Variants in SMARCA4 observed in about 807,000 individuals in gnomAD.
The protein encoded by SMARCA4 is SWI/SNF related BAF chromatin remodeling complex subunit ATPase 4, also known as SWI/SNF-related matrix-associated actin-dependent regulator of chromatin subfamily A member 4.
A neutral mutation model predicts 193.9 loss-of-function variants in SMARCA4; 31 were observed. That is an observed-to-expected ratio of 0.16 (90% CI 0.12 to 0.22). The LOEUF is 0.22. Ranked by LOEUF, SMARCA4 falls within the 10% of genes least tolerant of loss-of-function variation. The pLI, the probability that SMARCA4 is intolerant of heterozygous loss-of-function variation, is 1.00. For synonymous variants in SMARCA4, 942 were observed against 933.1 expected (o/e 1.01, Z -0.17); for missense variants, 1,148 against 2,296.0 (o/e 0.50, Z 10.22).
intron 30 of SMARCA4, among the ~76,000 whole-genome samples, chr19:11,043,636 G>A (rs2075741078): frequency 6.6e-6 from 1 of 151,760 alleles, no homozygotes; most frequent in Admixed American, 6.6e-5. Flanking sequence ...CCTGGGTGAT[G>A]GAATGAGACC....
At chr19:11,028,008 A>T in intron 24 of SMARCA4, 58 bp downstream of exon 24, 1 of 1,573,300 alleles carries the variant, frequency 6.4e-7, no homozygotes, top group Non-Finnish European at 8.7e-7. Context: ...GCTGCCACAG[A>T]AGCTCCTCAC....
At position 11,061,887 on chromosome 19, in the gene SMARCA4, C is replaced by T. The variant is rs932265086; in HGVS notation, c.*71C>T. 31 of 1,347,006 alleles carry T rather than the reference C, an allele frequency of 2.3e-5. No homozygotes were observed. Among genetic ancestry groups the T allele is most frequent in the South Asian group, 9.3e-5 (8 of 85,838 alleles). The allele number at this position is 1,347,006 out of a possible 1,614,324, so 83.4% of individuals were successfully genotyped here. On this transcript the variant is annotated 3_prime_UTR_variant, in exon 35 of 35. Transcript: ENST00000344626. ...GAGATGGCATAGGCCTTAGCAGTAACGGGTAGCAGCAGATGTAGTTTCAGA... is the reference window on the plus strand; with the variant it reads ...GAGATGGCATAGGCCTTAGCAGTAATGGGTAGCAGCAGATGTAGTTTCAGA...
At chr19:11,055,219 T>C (rs1433098210) in intron 30 of SMARCA4, among the ~76,000 whole-genome samples, 2 of 152,172 alleles carry the variant, frequency 1.3e-5, no homozygotes, top group Non-Finnish European at 2.9e-5. Context: ...AGACAGAGTC[T>C]CACTCTGTCG....
At chr19:10,965,862 A>G (rs762989524) in intron 1 of SMARCA4, among the ~76,000 whole-genome samples, 2 of 149,832 alleles carry the variant, frequency 1.3e-5, no homozygotes, top group Non-Finnish European at 3.0e-5. Context: ...TTATGGGACT[A>G]TTGTATATTT....
At chr19:10,989,517 G>A (rs1368199377) in intron 7 of SMARCA4, 74 bp downstream of exon 7, 15 of 1,557,182 alleles carry the variant, frequency 9.6e-6, no homozygotes, top group Non-Finnish European at 1.3e-5. Flanking sequence ...CTCCAAATAC[G>A]GCTTGCCTGG....
chr19:11,041,144 T>G lies in SMARCA4; in HGVS notation c.4171-163T>G. 7.0e-6 allele frequency: 5 copies of G among 718,702 alleles called. No homozygotes were observed. The highest frequency in any genetic ancestry group is 1.2e-5 in the Non-Finnish European group (5 of 427,904). The allele number at this position is 718,702 out of a possible 1,614,324, so 44.5% of individuals were successfully genotyped here. On this transcript the variant is annotated intron_variant, in intron 29 of 34. Transcript: ENST00000344626. This position sits in a 1 kb window ranked among gnomAD's most constrained non-coding sequence, Gnocchi z 5.6. ...CTTTCACTGCAGCCCAGGCACCCCTTGAGAGTCCCAGTGTGTGTTATGCCC... is the reference window on the plus strand; with the variant it reads ...CTTTCACTGCAGCCCAGGCACCCCTGGAGAGTCCCAGTGTGTGTTATGCCC...
At chr19:11,006,360 C>T (rs1480206139) in intron 13 of SMARCA4, among the ~76,000 whole-genome samples, 2 of 152,194 alleles carry the variant, frequency 1.3e-5, no homozygotes, top group African/African-American at 4.8e-5. Context: ...ACTGAGATGC[C>T]TCTTGTCGCC....
chr19:10,980,832 G>A (rs2085502441), intron 1 of SMARCA4: 1 of 152,184 alleles, frequency 6.6e-6, no homozygotes, highest in South Asian at 2.1e-4. Context: ...GTTCACTGCA[G>A]CCTCAACCTC....
chr19:10,976,845 A>T (rs776750576), intron 1 of SMARCA4, among the ~76,000 whole-genome samples: 2 of 151,690 alleles, frequency 1.3e-5, no homozygotes, highest in Admixed American at 1.3e-4. Context: ...GCCTGAGCTC[A>T]GGAGTTTGAG....
Position 11,030,714 on chromosome 19 carries a change from C to T in SMARCA4, c.3383-16C>T, listed in dbSNP as rs2146596463. The T allele has an allele frequency of 6.2e-7, 1 of 1,609,224 alleles. No individual in the cohort carries two copies. Among genetic ancestry groups the T allele is most frequent in the African/African-American group, 1.3e-5 (1 of 74,998 alleles). ...GAGGTCACCCCGCTGACCCTGTTCT[C>T]CTCTGTGCCCGTCAGGAACCACGAA... On this transcript the variant is annotated splice_polypyrimidine_tract_variant and intron_variant, in intron 24 of 34. Transcript: ENST00000344626. This position sits in a 1 kb window ranked among gnomAD's most constrained non-coding sequence, Gnocchi z 5.5.
rs2088996344 is a variant in SMARCA4, at chr19:11,012,935, A to G, written c.2275-14A>G. On this transcript the variant is annotated splice_polypyrimidine_tract_variant and intron_variant, in intron 15 of 34. Transcript: ENST00000344626. ...CGGCCTTCAGTCCTGGCGTGGCCGC[A>G]TCTGTCCTTGCAGATCAAAGGTTTG... 6.2e-7 allele frequency: 1 copy of G among 1,613,982 alleles called. No homozygotes were observed. The highest frequency in any genetic ancestry group is 8.5e-7 in the Non-Finnish European group (1 of 1,179,990).
chr19:11,057,863 G>T (rs2076631624), intron 30 of SMARCA4, among the ~76,000 whole-genome samples: 1 of 152,052 alleles, frequency 6.6e-6, no homozygotes, highest in African/African-American at 2.4e-5. Flanking sequence ...AGCACTTTGG[G>T]ATGCTGAGGC....
intron 1 of SMARCA4, among the ~76,000 whole-genome samples, chr19:10,965,970 GTTTTTTT>G (rs372236923): frequency 1.1e-3 from 88 of 78,986 alleles, no homozygotes; most frequent in Middle Eastern, 9.8e-3. Flanking sequence ...TAGTGGCATG[GTTTTTTT>G]TTTTTTTTTT....
chr19:11,015,019 T>A (rs1158589270), intron 16 of SMARCA4, among the ~76,000 whole-genome samples: 1 of 152,086 alleles, frequency 6.6e-6, no homozygotes, highest in Non-Finnish European at 1.5e-5. Context: ...TTCTCCATGT[T>A]GGCTAGGCTG....
intron 1 of SMARCA4, among the ~76,000 whole-genome samples, chr19:10,966,123 C>G (rs541232293): frequency 1.3e-5 from 2 of 151,970 alleles, no homozygotes; most frequent in Non-Finnish European, 2.9e-5. Context: ...GCTGGGATTA[C>G]AGGTGCCCGC....
At chr19:11,047,572 C>G (rs555482663) in intron 30 of SMARCA4, 1 of 152,122 alleles carries the variant, frequency 6.6e-6, no homozygotes, top group African/African-American at 2.4e-5. Flanking sequence ...CCACGCCTGG[C>G]TAATTTTTGT....
rs150714496 is a variant in SMARCA4 at position 10,996,069 on chromosome 19, G to A, written c.1594-144G>A. On this transcript the variant is annotated intron_variant, in intron 9 of 34. Coordinates refer to ENST00000344626, the MANE Select transcript of SMARCA4 (RefSeq NM_003072.5). ...TGAGGAAATGATTCCTGAATGAGGA[G>A]TCGATTGCCGTGTGAAGGGCTGGTG... 10 of 826,828 alleles carry A rather than the reference G, an allele frequency of 1.2e-5. No homozygotes were observed. The African/African-American group carries it at 1.3e-4, about 11-fold the overall frequency. The allele number at this position is 826,828 out of a possible 1,614,324, so 51.2% of individuals were successfully genotyped here.
Position 11,033,624 on chromosome 19 carries a change from C to T in SMARCA4, c.3774+107C>T. ...TTTTGCACTCTTATTTTTTTTGCAT[C>T]CCTTTGGAGTAAAGGGAGTGTGGGC... On this transcript the variant is annotated intron_variant, in intron 26 of 34. Coordinates refer to ENST00000344626, the MANE Select transcript of SMARCA4 (RefSeq NM_003072.5). The surrounding 1 kb of genome is among the most constrained non-coding windows in gnomAD (Gnocchi z 9.8). The T allele has an allele frequency of 3.5e-6, 3 of 855,508 alleles. No homozygotes were observed. The South Asian group carries it at 4.0e-5, about 12-fold the overall frequency. The allele number at this position is 855,508 out of a possible 1,614,324, so 53.0% of individuals were successfully genotyped here.
intron 29 of SMARCA4, 100 bp downstream of exon 29, chr19:11,035,232 G>A (rs1475998251): frequency 1.7e-6 from 2 of 1,162,356 alleles, no homozygotes; most frequent in East Asian, 2.5e-5. Flanking sequence ...GGTCCAAAAT[G>A]CTTTCCTTGG....
Sources: allele counts gnomAD v4.1 joint callset (sites outside exome capture counted in the v4.1 genomes callset), GRCh38; gene constraint gnomAD v4.1.1; non-coding constraint Gnocchi (gnomAD v3.1); transcripts MANE v1.5; gene names NCBI Gene and HGNC (gene_info 2026-07-23, HGNC 2026-07-21).